Variants in ESCO1 observed in about 807,000 individuals in gnomAD.
The protein encoded by ESCO1 is N-acetyltransferase ESCO1.
In ESCO1, 33 loss-of-function variants were observed where a neutral mutation model predicts 83.5. The ratio of observed to expected loss-of-function variants is 0.40; its 90% confidence interval spans 0.30 to 0.53. ESCO1 has a LOEUF of 0.53. ESCO1 is among the 20% of genes least tolerant of loss of function. The probability of loss-of-function intolerance (pLI) is 0.63; values close to 1 mark genes in which losing one functional copy is unlikely to be tolerated. For synonymous variants in ESCO1, 332 were observed against 324.3 expected, an observed-to-expected ratio of 1.02 and a Z score of -0.25; for missense variants, 855 against 968.0, an observed-to-expected ratio of 0.88 and a Z score of 1.55.
chr18:21,599,436 T>C (rs2038809994), intron 1 of ESCO1, among the ~76,000 whole-genome samples: 1 of 152,222 alleles, frequency 6.6e-6, no homozygotes, highest in African/African-American at 2.4e-5. Flanking sequence ...GAATATAGCA[T>C]AGTTCACTGC....
intron 2 of ESCO1, among the ~76,000 whole-genome samples, chr18:21,576,397 G>A (rs2038419195): frequency 6.6e-6 from 1 of 152,132 alleles, no homozygotes; most frequent in Non-Finnish European, 1.5e-5. Context: ...AGGTTACTTG[G>A]GAGACTGAGA....
chr18:21,569,383 G>C (rs1270942677), intron 4 of ESCO1, among the ~76,000 whole-genome samples: 1 of 151,906 alleles, frequency 6.6e-6, no homozygotes, highest in African/African-American at 2.4e-5. Context: ...TGGATCATGA[G>C]GTCAAGGGAT....
At chr18:21,581,698 A>T (rs369614328) in intron 2 of ESCO1, among the ~76,000 whole-genome samples, 1 of 152,174 alleles carries the variant, frequency 6.6e-6, no homozygotes, top group South Asian at 2.1e-4. Flanking sequence ...TATTGATTTC[A>T]TTCATTTCAA....
At chr18:21,580,692 A>T (rs185910650) in intron 2 of ESCO1, among the ~76,000 whole-genome samples, 1 of 152,346 alleles carries the variant, frequency 6.6e-6, no homozygotes, top group Admixed American at 6.5e-5. Context: ...GGAATTTTTT[A>T]AAAAGAATTA....
chr18:21,585,059 T>A (rs1296066860), intron 1 of ESCO1, among the ~76,000 whole-genome samples: 4 of 150,184 alleles, frequency 2.7e-5, no homozygotes, highest in Admixed American at 1.3e-4. Context: ...GAGAACTGCT[T>A]GAACCCGGGA....
At position 21,573,713 on chromosome 18, in the gene ESCO1, T is replaced by C. The variant is rs2038373610; in HGVS notation, c.1131A>G (p.Ile377Met). Residue 377 changes from isoleucine (I) to methionine (M), a missense_variant, in exon 4 of 12, where the codon ATA becomes ATG. Ile to Met is a conservative substitution (Grantham distance 10, BLOSUM62 1). Around this residue, in one of 2 missense-constraint regions of ESCO1, gnomAD observed 726 missense variants for 699.5 expected, o/e 1.04. Coordinates refer to ENST00000269214, the MANE Select transcript of ESCO1 (RefSeq NM_052911.3). ...TGGCTGAGCTGTTTATTCCATTTAGTATACATTTCACAGGCTTTGTTTTTC... is the reference window on the plus strand; with the variant it reads ...TGGCTGAGCTGTTTATTCCATTTAGCATACATTTCACAGGCTTTGTTTTTC... ...PSRKTKPVKC[I>M]LNGINSSAKK... The C allele has an allele frequency of 6.2e-7, 1 of 1,614,202 alleles. No individual in the cohort carries two copies. The highest frequency in any genetic ancestry group is 8.5e-7 in the Non-Finnish European group (1 of 1,180,030).
intron 9 of ESCO1, 84 bp from the exon 10 acceptor site, chr18:21,536,269 C>A: frequency 7.0e-7 from 1 of 1,431,812 alleles, no homozygotes; most frequent in South Asian, 1.4e-5. Context: ...AGTAGATCAA[C>A]TTTATTCCAA....
chr18:21,530,617 T>C, intron 11 of ESCO1, 127 bp from the exon 12 acceptor site: 2 of 726,850 alleles, frequency 2.8e-6, no homozygotes, highest in Non-Finnish European at 4.0e-6. Flanking sequence ...TAGATACTGC[T>C]GTATGTGCTC....
At chr18:21,594,617 T>C (rs1444988599) in intron 1 of ESCO1, among the ~76,000 whole-genome samples, 3 of 151,454 alleles carry the variant, frequency 2.0e-5, no homozygotes, top group Non-Finnish European at 4.4e-5. Flanking sequence ...GGCAGGAGAA[T>C]GGTGTGAACC....
chr18:21,544,995 T>C (rs1349776091), intron 8 of ESCO1, among the ~76,000 whole-genome samples: 1 of 152,240 alleles, frequency 6.6e-6, no homozygotes, highest in Non-Finnish European at 1.5e-5. Flanking sequence ...TGTAATAGGA[T>C]CACAAAGGAG....
chr18:21,565,616 C>T (rs1283377322), intron 6 of ESCO1, among the ~76,000 whole-genome samples: 3 of 152,130 alleles, frequency 2.0e-5, no homozygotes, highest in African/African-American at 7.2e-5. Context: ...TAAAGTCACA[C>T]AATGAAATTT....
intron 1 of ESCO1, among the ~76,000 whole-genome samples, chr18:21,588,572 G>A (rs2038615615): frequency 6.6e-6 from 1 of 152,108 alleles, no homozygotes; most frequent in Non-Finnish European, 1.5e-5. Context: ...GGTATGCACA[G>A]ATTATACAAT....
intron 8 of ESCO1, among the ~76,000 whole-genome samples, chr18:21,543,887 G>A (rs1159483834): frequency 6.6e-6 from 1 of 152,186 alleles, no homozygotes; most frequent in African/African-American, 2.4e-5. Flanking sequence ...TATTTGGGAA[G>A]CTTTGAACTC....
intron 11 of ESCO1, 22 bp from the exon 12 acceptor site, chr18:21,530,512 G>C: frequency 6.9e-7 from 1 of 1,440,772 alleles, no homozygotes. Context: ...AAATGGGGGG[G>C]GGGAAGGGTT....
rs1308083464 is a variant in ESCO1, at chr18:21,573,557, C to T, written c.1287G>A (p.Met429Ile). Residue 429 changes from methionine (M) to isoleucine (I), a missense_variant, in exon 4 of 12, where the codon ATG becomes ATA. By Grantham distance (10) the Met-to-Ile change is conservative. Coordinates refer to ENST00000269214, the MANE Select transcript of ESCO1 (RefSeq NM_052911.3). Reference protein sequence around the residue: ...RTSFSPPALEMHHPVTQSTFL... With the variant: ...RTSFSPPALEIHHPVTQSTFL... Reference sequence around the variant, plus strand: ...ACGTACTTTGAGTCACTGGATGATGCATTTCTAAAGCTGGTGGTGAAAAAC... The same window carrying T: ...ACGTACTTTGAGTCACTGGATGATGTATTTCTAAAGCTGGTGGTGAAAAAC... The T allele has an allele frequency of 1.2e-6, 2 of 1,614,070 alleles. No individual in the cohort carries two copies. The highest frequency in any genetic ancestry group is 1.7e-6 in the Non-Finnish European group (2 of 1,180,004).
chr18:21,597,879 AAAGAC>A (rs1362648741), intron 1 of ESCO1, among the ~76,000 whole-genome samples: 3 of 152,174 alleles, frequency 2.0e-5, no homozygotes, highest in East Asian at 1.9e-4. Flanking sequence ...CCCCTCAGGA[AAAGAC>A]AAGACATGAT....
intron 1 of ESCO1, among the ~76,000 whole-genome samples, chr18:21,599,087 A>ATCCCAGCAC (rs1416036590): frequency 5.6e-4 from 85 of 152,282 alleles, no homozygotes; most frequent in African/African-American, 1.9e-3. Context: ...CAGGCCTGTA[A>ATCCCAGCAC]TCCCAGCACT....
chr18:21,585,995 T>C (rs988176960), intron 1 of ESCO1, among the ~76,000 whole-genome samples: 1 of 152,232 alleles, frequency 6.6e-6, no homozygotes, highest in Non-Finnish European at 1.5e-5. Context: ...CAAATCATGA[T>C]AACTGGGATA....
At position 21,535,365 on chromosome 18, in the gene ESCO1, C is replaced by G. The variant is rs376438865; in HGVS notation, c.2187+677G>C. Among the ~76,000 whole-genome samples, 22 of 151,298 alleles carry G rather than the reference C, an allele frequency of 1.5e-4. No homozygotes were observed. In the South Asian group the frequency reaches 4.0e-3, roughly 27 times the overall value. ...GAGTAGCTGGGATTACAGGTGCACA[C>G]CACCGCGCCTGGCTATTTTTTTTTT... On this transcript the variant is annotated intron_variant, in intron 10 of 11. Coordinates refer to ENST00000269214, the MANE Select transcript of ESCO1 (RefSeq NM_052911.3).
Sources: gnomAD v4.1 joint callset for allele counts (sites outside exome capture counted in the v4.1 genomes callset) on GRCh38, gnomAD v4.1.1 for gene constraint, gnomAD v4.1.1 regional missense constraint, MANE v1.5 for transcripts, NCBI Gene and HGNC (gene_info 2026-07-23, HGNC 2026-07-21) for gene names.